Variants in NLGN4X observed in about 807,000 individuals in gnomAD.
NLGN4X encodes the protein neuroligin 4 X-linked.
Under a neutral mutation model 40.3 loss-of-function variants are expected in NLGN4X, and 3 were observed. That is an observed-to-expected ratio of 0.07 (90% CI 0.03 to 0.19). The LOEUF (loss-of-function observed/expected upper bound fraction) is 0.19, where lower values mean the gene tolerates loss of function less well. Among genes scored for constraint, NLGN4X ranks in the 10% least tolerant of loss-of-function variants. The probability of loss-of-function intolerance (pLI) is 1.00; values close to 1 mark genes in which losing one functional copy is unlikely to be tolerated. For synonymous variants in NLGN4X, 270 were observed against 306.8 expected, an observed-to-expected ratio of 0.88 and a Z score of 1.25; for missense variants, 382 against 708.3, an observed-to-expected ratio of 0.54 and a Z score of 5.23.
At chrX:6,196,719 T>C (rs1462592934) in intron 1 of NLGN4X, among the ~76,000 whole-genome samples, 1 of 110,686 alleles carries the variant, frequency 9.0e-6, no homozygotes, top group Admixed American at 9.6e-5. Flanking sequence ...CCTGCAGGCC[T>C]CGGTCACCAC....
At chrX:5,926,707 T>C (rs1037770513) in intron 3 of NLGN4X, among the ~76,000 whole-genome samples, 7 of 109,402 alleles carry the variant, frequency 6.4e-5, no homozygotes, top group African/African-American at 2.3e-4. Flanking sequence ...TTTGTGTTTT[T>C]ATTGTTTCTT....
chrX:6,074,836 G>A (rs1199293551), intron 2 of NLGN4X, among the ~76,000 whole-genome samples: 2 of 111,722 alleles, frequency 1.8e-5, no homozygotes, highest in Non-Finnish European at 1.9e-5. Flanking sequence ...ATACAGATGA[G>A]TAAATTGAGA....
chrX:6,178,084 C>T (rs1238552122), intron 1 of NLGN4X, among the ~76,000 whole-genome samples: 1 of 108,420 alleles, frequency 9.2e-6, no homozygotes, highest in Non-Finnish European at 1.9e-5. Flanking sequence ...TTATAAGCTA[C>T]ACAGTCTATG....
At chrX:5,957,852 TA>T (rs1328293481) in intron 3 of NLGN4X, among the ~76,000 whole-genome samples, 1 of 112,363 alleles carries the variant, frequency 8.9e-6, no homozygotes, top group African/African-American at 3.2e-5. Flanking sequence ...CAGTATAAAA[TA>T]AACTTTGTTC....
intron 2 of NLGN4X, among the ~76,000 whole-genome samples, chrX:6,102,085 C>CA (rs2038921070): frequency 9.0e-6 from 1 of 111,593 alleles, no homozygotes; most frequent in Non-Finnish European, 1.9e-5. Context: ...GATGGGATTA[C>CA]AGGCGTGAGC....
intron 3 of NLGN4X, among the ~76,000 whole-genome samples, chrX:6,009,321 C>T (rs1044846281): frequency 1.8e-5 from 2 of 111,823 alleles, no homozygotes; most frequent in African/African-American, 6.5e-5. Context: ...TCCATGTTTA[C>T]TTTTTTGAGG....
chrX:5,912,001 G>A (rs2032497628), intron 3 of NLGN4X, among the ~76,000 whole-genome samples: 1 of 112,180 alleles, frequency 8.9e-6, no homozygotes, highest in Non-Finnish European at 1.9e-5. Context: ...AAGCTTAGTT[G>A]AATGATTACC....
At chrX:6,083,950 T>C (rs1013469550) in intron 2 of NLGN4X, among the ~76,000 whole-genome samples, 2 of 111,918 alleles carry the variant, frequency 1.8e-5, no homozygotes, top group Non-Finnish European at 3.8e-5. Context: ...TAGAGGCAGA[T>C]AGTTGAAGAT....
intron 2 of NLGN4X, among the ~76,000 whole-genome samples, chrX:6,105,292 C>T (rs1257781272): frequency 9.0e-6 from 1 of 111,372 alleles, no homozygotes; most frequent in African/African-American, 3.3e-5. Context: ...AACTCCCGAC[C>T]TCAAGTGATC....
chrX:6,083,738 T>A (rs185701263), intron 2 of NLGN4X, among the ~76,000 whole-genome samples: 13 of 112,097 alleles, frequency 1.2e-4, no homozygotes, highest in African/African-American at 3.6e-4. Context: ...GACACACTGG[T>A]ATATGGGGCA....
intron 3 of NLGN4X, among the ~76,000 whole-genome samples, chrX:5,942,273 T>A (rs1410156966): frequency 9.2e-6 from 1 of 108,985 alleles, no homozygotes; most frequent in African/African-American, 3.3e-5. Context: ...AATAAATAAA[T>A]AAAAATAAAA....
chrX:6,045,216 A>C (rs1400220218), intron 2 of NLGN4X, among the ~76,000 whole-genome samples: 1 of 112,123 alleles, frequency 8.9e-6, no homozygotes, highest in Non-Finnish European at 1.9e-5. Flanking sequence ...GTCTTGAGGT[A>C]AAGATAATTT....
chrX:6,123,597 G>A (rs1439919799), intron 2 of NLGN4X, among the ~76,000 whole-genome samples: 1 of 110,915 alleles, frequency 9.0e-6, no homozygotes, highest in African/African-American at 3.3e-5. Context: ...GAGAGATGCC[G>A]AAGAGTAGAG....
intron 2 of NLGN4X, among the ~76,000 whole-genome samples, chrX:6,088,267 G>A (rs761638775): frequency 1.8e-5 from 2 of 112,366 alleles, no homozygotes; most frequent in Non-Finnish European, 3.8e-5. Context: ...AAAATGCGAA[G>A]CTCTTCATTG....
chrX:6,059,424 A>C (rs750187140), intron 2 of NLGN4X, among the ~76,000 whole-genome samples: 1 of 111,741 alleles, frequency 8.9e-6, no homozygotes, highest in Non-Finnish European at 1.9e-5. Flanking sequence ...TAAAACCCAT[A>C]ATCAGCACCT....
intron 5 of NLGN4X, among the ~76,000 whole-genome samples, chrX:5,895,733 T>C (rs181575431): frequency 3.9e-4 from 43 of 111,418 alleles, no homozygotes; most frequent in African/African-American, 1.4e-3. Flanking sequence ...ACTTTACTAA[T>C]AGGGTGAGAA....
chrX:6,122,367 T>A (rs2039444423), intron 2 of NLGN4X, among the ~76,000 whole-genome samples: 1 of 111,802 alleles, frequency 8.9e-6, no homozygotes, highest in Non-Finnish European at 1.9e-5. Flanking sequence ...GCTTCCCAAG[T>A]AGCTGGGACT....
At chrX:6,095,207 A>G (rs1400515851) in intron 2 of NLGN4X, among the ~76,000 whole-genome samples, 1 of 108,477 alleles carries the variant, frequency 9.2e-6, no homozygotes, top group Non-Finnish European at 1.9e-5. Context: ...AGCTTTGGGT[A>G]GACTCTACTC....
At chrX:5,925,276 C>T (rs764070314) in intron 3 of NLGN4X, among the ~76,000 whole-genome samples, 29 of 112,037 alleles carry the variant, frequency 2.6e-4, no homozygotes, top group South Asian at 1.8e-3. Context: ...ATTTCAAATA[C>T]GTATATATAT....
Sources: allele counts gnomAD v4.1 joint callset (sites outside exome capture counted in the v4.1 genomes callset), GRCh38; gene constraint gnomAD v4.1.1; transcripts MANE v1.5; gene names NCBI Gene and HGNC (gene_info 2026-07-23, HGNC 2026-07-21).